The following RYR3 variants were observed in gnomAD, a reference collection of about 807,000 sequenced individuals.
The protein encoded by RYR3 is ryanodine receptor 3, also known as brain ryanodine receptor-calcium release channel.
A neutral mutation model predicts 584.3 loss-of-function variants in RYR3; 207 were observed. The observed-to-expected ratio is 0.35, with a 90% CI of 0.32 to 0.40. The LOEUF is 0.40. Among genes scored for constraint, RYR3 ranks in the 10% least tolerant of loss-of-function variants. The pLI is 1.00. For missense variants in RYR3, 5,616 were observed against 6,089.2 expected (o/e 0.92, Z 2.59); for synonymous variants, 2,416 against 2,248.5 (o/e 1.07, Z -2.11).
At chr15:33,384,091 C>A (rs552299086) in intron 1 of RYR3, among the ~76,000 whole-genome samples, 1 of 152,130 alleles carries the variant, frequency 6.6e-6, no homozygotes, top group Non-Finnish European at 1.5e-5. Context: ...CACTCTGCCC[C>A]CCTTTGATAG....
chr15:33,615,640 G>T (rs1031380507), intron 19 of RYR3, among the ~76,000 whole-genome samples: 2 of 152,142 alleles, frequency 1.3e-5, no homozygotes, highest in African/African-American at 4.8e-5. Context: ...TCAAGCCAGG[G>T]AATCTTACGC....
rs769204969 is a variant in RYR3, at chr15:33,848,826, C to CTTTTTTTT, written c.13628+425_13628+432dup. ...CTATAACTGCCATCTCTGAAGTCCT[C>CTTTTTTTT]TTTTTTTTTTTTTTTTTTTTTTTTT... On this transcript the variant is annotated intron_variant, in intron 94 of 103. Transcript: ENST00000634891. Among the ~76,000 whole-genome samples the CTTTTTTTT allele has an allele frequency of 1.3e-4, 10 of 75,252 alleles. 1 individual carries two copies. The highest frequency in any genetic ancestry group is 3.0e-4 in the African/African-American group (5 of 16,408). 49.4% of individuals were successfully genotyped at this position (75,252 alleles called of 152,430 possible). A position where few individuals can be genotyped will look rare whatever the true frequency, so the allele number is the denominator to read the frequency against.
At chr15:33,723,746 G>GT (rs1480723985) in intron 44 of RYR3, among the ~76,000 whole-genome samples, 1 of 152,216 alleles carries the variant, frequency 6.6e-6, no homozygotes, top group Non-Finnish European at 1.5e-5. Flanking sequence ...GGTCCAATGT[G>GT]TTTTCCATGT....
chr15:33,527,021 G>T (rs1355028265), intron 3 of RYR3, among the ~76,000 whole-genome samples: 2 of 152,088 alleles, frequency 1.3e-5, no homozygotes, highest in African/African-American at 4.8e-5. Flanking sequence ...TGTGGTGGGA[G>T]CATGCGTGTC....
chr15:33,318,222 G>GT (rs1968469050), intron 1 of RYR3, among the ~76,000 whole-genome samples: 1 of 152,168 alleles, frequency 6.6e-6, no homozygotes, highest in Non-Finnish European at 1.5e-5. Context: ...TTTGTAAGTG[G>GT]TTTTATGCTA....
At position 33,728,407 on chromosome 15, in the gene RYR3, T is replaced by C. The variant is rs955554419; in HGVS notation, c.7034-450T>C. ...TTACCTTTTTTAAATATCTACTTAA[T>C]TGTAAATTCTAATTTTTAATAATGA... On this transcript the variant is annotated intron_variant, in intron 46 of 103. Transcript: ENST00000634891. 3.3e-5 allele frequency among the ~76,000 whole-genome samples: 5 copies of C among 152,360 alleles called. 1 individual carries two copies. The highest frequency in any genetic ancestry group is 4.1e-4 in the South Asian group (2 of 4,826).
intron 67 of RYR3, 103 bp from the exon 68 acceptor site, chr15:33,800,667 A>C (rs1287806953): frequency 1.7e-5 from 13 of 768,086 alleles, no homozygotes; most frequent in Non-Finnish European, 2.9e-5. Flanking sequence ...ATGCAGTTTG[A>C]TCTGGATAAA....
At chr15:33,421,507 G>C (rs977903771) in intron 1 of RYR3, among the ~76,000 whole-genome samples, 1 of 152,142 alleles carries the variant, frequency 6.6e-6, no homozygotes, top group Non-Finnish European at 1.5e-5. Context: ...ATAAAAAGGC[G>C]AAGGAAGCCT....
At chr15:33,424,709 A>G (rs1467324087) in intron 1 of RYR3, among the ~76,000 whole-genome samples, 1 of 152,176 alleles carries the variant, frequency 6.6e-6, no homozygotes, top group Non-Finnish European at 1.5e-5. Context: ...TCTCTGTTAG[A>G]GTGATTATCT....
rs1436498528 is a variant in RYR3, at chr15:33,649,116, C to G, written c.4023C>G (p.Ser1341=). 1 of 1,613,822 alleles carries G rather than the reference C, an allele frequency of 6.2e-7. No homozygotes were observed. Among genetic ancestry groups the G allele is most frequent in the East Asian group, 2.2e-5 (1 of 44,880 alleles). ...GCATCTTTGCTGGACAGGATCCATC[C>G]TGTGTCTGGGTCGGATGGGTGACTC... ...AIRIFAGQDP[S]CVWVGWVTPD... is the part of the protein sequence containing the mutation. Residue 1341 remains serine (S), a synonymous_variant, in exon 31 of 104, where the codon TCC becomes TCG. Coordinates refer to ENST00000634891, the MANE Select transcript of RYR3 (RefSeq NM_001036.6).
chr15:33,749,537 T>C lies in RYR3; in HGVS notation c.8200-442T>C, dbSNP rs535846051. Among the ~76,000 whole-genome samples, 6 of 152,354 alleles carry C rather than the reference T, an allele frequency of 3.9e-5. No homozygotes were observed. The East Asian group carries it at 1.2e-3, about 29-fold the overall frequency. On this transcript the variant is annotated intron_variant, in intron 55 of 103. Coordinates refer to ENST00000634891, the MANE Select transcript of RYR3 (RefSeq NM_001036.6). ...GATGGATTCTACTAGAGAAATCTTA[T>C]TTACAGCACTTTCCTTTAAGACGTG...
intron 48 of RYR3, among the ~76,000 whole-genome samples, chr15:33,734,625 A>G (rs796411009): frequency 6.6e-6 from 1 of 151,614 alleles, no homozygotes; most frequent in Non-Finnish European, 1.5e-5. Context: ...CGCATTGGTG[A>G]GACTGATTTG....
chr15:33,327,624 A>G (rs1217792769), intron 1 of RYR3, among the ~76,000 whole-genome samples: 1 of 152,128 alleles, frequency 6.6e-6, no homozygotes, highest in Non-Finnish European at 1.5e-5. Context: ...ATATTGTGCA[A>G]ATTTTACTTC....
At chr15:33,812,641 C>T (rs371111921) in intron 72 of RYR3, among the ~76,000 whole-genome samples, 2 of 151,746 alleles carry the variant, frequency 1.3e-5, no homozygotes, top group Admixed American at 6.6e-5. Flanking sequence ...AGAGAGATGA[C>T]GAGATAGAAA....
chr15:33,321,308 C>A (rs1377589401), intron 1 of RYR3, among the ~76,000 whole-genome samples: 2 of 152,168 alleles, frequency 1.3e-5, no homozygotes, highest in Admixed American at 1.3e-4. Context: ...AAGCATGGAC[C>A]TAAAGTAAAG....
intron 18 of RYR3, among the ~76,000 whole-genome samples, chr15:33,610,072 A>G (rs1049266646): frequency 3.9e-5 from 6 of 152,244 alleles, no homozygotes; most frequent in Admixed American, 2.6e-4. Flanking sequence ...GCCAATATGC[A>G]TTGAGTACAT....
intron 42 of RYR3, among the ~76,000 whole-genome samples, chr15:33,701,739 AC>A (rs2066318289): frequency 6.6e-6 from 1 of 152,028 alleles, no homozygotes; most frequent in Non-Finnish European, 1.5e-5. Flanking sequence ...GGAAAAGGGC[AC>A]CTGAGCCTGA....
At chr15:33,366,840 T>C (rs2141052641) in intron 1 of RYR3, among the ~76,000 whole-genome samples, 1 of 152,156 alleles carries the variant, frequency 6.6e-6, no homozygotes, top group East Asian at 1.9e-4. Context: ...ATGAGACCGG[T>C]CAATAGAAAA....
At chr15:33,541,004 G>A in intron 7 of RYR3, 114 bp downstream of exon 7, 1 of 651,382 alleles carries the variant, frequency 1.5e-6, no homozygotes, top group Admixed American at 2.4e-5. Flanking sequence ...TACACAGGTA[G>A]CCTGATTTTA....
Sources: gnomAD v4.1 joint callset for allele counts (sites outside exome capture counted in the v4.1 genomes callset) on GRCh38, gnomAD v4.1.1 for gene constraint, MANE v1.5 for transcripts, NCBI Gene and HGNC (gene_info 2026-07-23, HGNC 2026-07-21) for gene names.